Variants in MAF observed in about 807,000 individuals in gnomAD.
MAF encodes MAF bZIP transcription factor.
Under a neutral mutation model 22.0 loss-of-function variants are expected in MAF, and 10 were observed. The observed-to-expected ratio is 0.45, with a 90% CI of 0.28 to 0.77. MAF has a LOEUF of 0.77. Among genes scored for constraint, MAF ranks in the 30% least tolerant of loss-of-function variants. The pLI is 0.12. For synonymous variants in MAF, 337 were observed against 255.8 expected (o/e 1.32, Z -3.03); for missense variants, 544 against 548.4 (o/e 0.99, Z 0.08).
the MAF span, among the ~76,000 whole-genome samples, chr16:79,567,629 G>T: frequency 6.6e-6 from 1 of 152,210 alleles, no homozygotes; most frequent in African/African-American, 2.4e-5. Context: ...GGCTTCAGAA[G>T]GTGAAGCATG....
the MAF span, among the ~76,000 whole-genome samples, chr16:79,290,270 A>G: frequency 6.6e-6 from 1 of 152,204 alleles, no homozygotes; most frequent in Non-Finnish European, 1.5e-5. Context: ...GGATGCCAAC[A>G]ACACCGAGCT....
At chr16:79,462,713 T>C in the MAF span, among the ~76,000 whole-genome samples, 1 of 152,344 alleles carries the variant, frequency 6.6e-6, no homozygotes, top group Non-Finnish European at 1.5e-5. Flanking sequence ...AACATTTCAT[T>C]TCCTCTTGTG....
chr16:79,484,063 G>C, the MAF span, among the ~76,000 whole-genome samples: 1 of 152,156 alleles, frequency 6.6e-6, no homozygotes, highest in Non-Finnish European at 1.5e-5. Context: ...TATTTCCTTT[G>C]AGAGCTTCCT....
At chr16:79,235,690 A>G in the MAF span, among the ~76,000 whole-genome samples, 6 of 152,046 alleles carry the variant, frequency 3.9e-5, no homozygotes, top group African/African-American at 1.4e-4. Flanking sequence ...TTAGTTAGCA[A>G]TGGTTGACAA....
At chr16:79,514,224 G>T in the MAF span, among the ~76,000 whole-genome samples, 1 of 152,242 alleles carries the variant, frequency 6.6e-6, no homozygotes, top group African/African-American at 2.4e-5. Flanking sequence ...ATTCATAGTG[G>T]AGTCGCTGGG....
chr16:79,556,466 G>C, the MAF span, among the ~76,000 whole-genome samples: 1 of 152,134 alleles, frequency 6.6e-6, no homozygotes, highest in African/African-American at 2.4e-5. Context: ...GGCCATTGTT[G>C]CCTGAACCCA....
the MAF span, among the ~76,000 whole-genome samples, chr16:79,496,934 G>C: frequency 2.0e-5 from 3 of 152,138 alleles, no homozygotes; most frequent in African/African-American, 4.8e-5. Flanking sequence ...GTAGCAGTGG[G>C]CCTGAGAATA....
chr16:79,434,906 T>A, the MAF span, among the ~76,000 whole-genome samples: 1 of 152,166 alleles, frequency 6.6e-6, no homozygotes, highest in Non-Finnish European at 1.5e-5. Flanking sequence ...GGATGCTTCA[T>A]TAGCCATGGA....
At chr16:79,261,289 A>G in the MAF span, among the ~76,000 whole-genome samples, 1 of 152,124 alleles carries the variant, frequency 6.6e-6, no homozygotes. Flanking sequence ...AGTAGCTGGG[A>G]TTACAGGCAC....
At chr16:79,278,992 A>G in the MAF span, among the ~76,000 whole-genome samples, 1 of 152,142 alleles carries the variant, frequency 6.6e-6, no homozygotes, top group Non-Finnish European at 1.5e-5. Flanking sequence ...CCCCTCAAAT[A>G]TATGTATACA....
chr16:79,570,858 C>G, the MAF span, among the ~76,000 whole-genome samples: 1 of 152,234 alleles, frequency 6.6e-6, no homozygotes, highest in East Asian at 1.9e-4. Flanking sequence ...GTGCGAGTTT[C>G]TGTGCTAAAT....
At chr16:79,512,853 G>C in the MAF span, among the ~76,000 whole-genome samples, 1 of 152,200 alleles carries the variant, frequency 6.6e-6, no homozygotes, top group Non-Finnish European at 1.5e-5. Context: ...CCAGGGCCGT[G>C]GGCAGCACAG....
chr16:79,289,142 A>C, the MAF span, among the ~76,000 whole-genome samples: 27 of 152,186 alleles, frequency 1.8e-4, no homozygotes, highest in Non-Finnish European at 2.9e-4. Flanking sequence ...AGCTAAGAAA[A>C]TGTCACTCGA....
the MAF span, among the ~76,000 whole-genome samples, chr16:79,489,026 C>T: frequency 1.3e-5 from 2 of 152,184 alleles, no homozygotes; most frequent in African/African-American, 4.8e-5. Context: ...AACTACTCAA[C>T]TTAATTTGTT....
chr16:79,391,919 GGAGGAGAAGGAGGAGGGGGAA>G, the MAF span, among the ~76,000 whole-genome samples: 2 of 149,004 alleles, frequency 1.3e-5, no homozygotes, highest in South Asian at 2.2e-4. Context: ...AGAAGGAGGA[GGAGGAGAAGGAGGAGGGGGAA>G]GAGGAGAAGG....
the MAF span, among the ~76,000 whole-genome samples, chr16:79,427,418 C>T: frequency 0.69 from 104,652 of 152,122 alleles, 36,933 homozygotes; most frequent in East Asian, 1. Flanking sequence ...GTCTACCTAG[C>T]TCTTTAAGCA....
chr16:79,227,254 G>C, the MAF span, among the ~76,000 whole-genome samples: 1 of 152,052 alleles, frequency 6.6e-6, no homozygotes, highest in Admixed American at 6.6e-5. Flanking sequence ...AGGAGGCTGA[G>C]GTAGGGGGAT....
the MAF span, among the ~76,000 whole-genome samples, chr16:79,462,771 G>A: frequency 1.3e-5 from 2 of 152,122 alleles, no homozygotes; most frequent in Non-Finnish European, 2.9e-5. Context: ...TACATATTGG[G>A]CACCTACTAA....
At chr16:79,532,701 T>C in the MAF span, among the ~76,000 whole-genome samples, 1 of 152,118 alleles carries the variant, frequency 6.6e-6, no homozygotes, top group African/African-American at 2.4e-5. Flanking sequence ...CGTGTGTGAG[T>C]GTGTGTGCGC....
Sources: allele counts gnomAD v4.1 joint callset (sites outside exome capture counted in the v4.1 genomes callset), GRCh38; gene constraint gnomAD v4.1.1; transcripts MANE v1.5; gene names NCBI Gene and HGNC (gene_info 2026-07-23, HGNC 2026-07-21).